DIAPH2: variants seen among roughly 807,000 people sequenced by gnomAD.
DIAPH2 encodes the protein diaphanous related formin 2, also known as protein diaphanous homolog 2.
Under a neutral mutation model 92.7 loss-of-function variants are expected in DIAPH2, and 35 were observed. That is an observed-to-expected ratio of 0.38 (90% confidence interval 0.29 to 0.50). The LOEUF is 0.50. Ranked by LOEUF, DIAPH2 falls within the 20% of genes least tolerant of loss-of-function variation. The pLI is 0.94. For missense variants in DIAPH2, 701 were observed against 819.5 expected (o/e 0.86, Z 1.77); for synonymous variants, 301 against 280.4 (o/e 1.07, Z -0.73).
chrX:96,778,160 G>T (rs976672304), intron 4 of DIAPH2, among the ~76,000 whole-genome samples: 89 of 107,644 alleles, frequency 8.3e-4, no homozygotes, highest in Non-Finnish European at 1.5e-3. Flanking sequence ...GCGATAGTTT[G>T]CTGAGAATGA....
intron 17 of DIAPH2, among the ~76,000 whole-genome samples, chrX:97,059,197 A>T (rs771791193): frequency 1.8e-5 from 2 of 112,067 alleles, no homozygotes; most frequent in African/African-American, 6.5e-5. Flanking sequence ...TATTAGGCAC[A>T]CAGAATAACA....
chrX:96,756,524 C>T (rs1324838854), intron 3 of DIAPH2, among the ~76,000 whole-genome samples: 2 of 111,779 alleles, frequency 1.8e-5, no homozygotes, highest in Admixed American at 9.5e-5. Flanking sequence ...TTTATCCATT[C>T]GTCAATTGAT....
intron 17 of DIAPH2, among the ~76,000 whole-genome samples, chrX:97,042,143 G>A (rs765015328): frequency 9.0e-6 from 1 of 111,479 alleles, no homozygotes; most frequent in South Asian, 3.7e-4. Flanking sequence ...ATGCAAACCA[G>A]TTCCATTAAT....
chrX:97,017,649 C>T (rs1466046255), intron 17 of DIAPH2, among the ~76,000 whole-genome samples: 1 of 112,211 alleles, frequency 8.9e-6, no homozygotes, highest in Non-Finnish European at 1.9e-5. Context: ...TTAGACTCCA[C>T]CTGTGATCTT....
chrX:97,417,052 G>A (rs1385374001), intron 25 of DIAPH2, among the ~76,000 whole-genome samples: 1 of 111,805 alleles, frequency 8.9e-6, no homozygotes, highest in Non-Finnish European at 1.9e-5. Flanking sequence ...ACTACAACCA[G>A]AAAGTTATGG....
intron 7 of DIAPH2, among the ~76,000 whole-genome samples, chrX:96,913,131 A>G (rs1347648869): frequency 9.0e-6 from 1 of 110,998 alleles, no homozygotes; most frequent in Non-Finnish European, 1.9e-5. Flanking sequence ...TAGGGAAGAT[A>G]GATAAAACAG....
intron 17 of DIAPH2, among the ~76,000 whole-genome samples, chrX:97,062,020 C>A (rs1216942514): frequency 9.0e-6 from 1 of 111,037 alleles, no homozygotes; most frequent in Non-Finnish European, 1.9e-5. Context: ...TTTATGCATT[C>A]TTATTCTAAC....
chrX:97,587,277 GAA>G (rs770610966), intron 26 of DIAPH2, among the ~76,000 whole-genome samples: 1 of 87,294 alleles, frequency 1.1e-5, no homozygotes, highest in Admixed American at 1.3e-4. Flanking sequence ...TGCTGTCCTA[GAA>G]AAAAAAAAAA....
chrX:96,712,454 T>A (rs1378653462), intron 1 of DIAPH2, among the ~76,000 whole-genome samples: 1 of 111,223 alleles, frequency 9.0e-6, no homozygotes, highest in Non-Finnish European at 1.9e-5. Flanking sequence ...TGCCCCACCC[T>A]TTCCTATTCC....
At chrX:97,396,203 G>A (rs2069702186) in intron 25 of DIAPH2, among the ~76,000 whole-genome samples, 1 of 111,821 alleles carries the variant, frequency 8.9e-6, no homozygotes, top group Admixed American at 9.5e-5. Flanking sequence ...ATTTTGCTCT[G>A]TTCTCAGTCA....
intron 4 of DIAPH2, among the ~76,000 whole-genome samples, chrX:96,815,301 G>A (rs755080401): frequency 8.9e-6 from 1 of 112,078 alleles, no homozygotes; most frequent in East Asian, 2.8e-4. Context: ...CTAGCAGTGA[G>A]CAAGGCTCCA....
intron 1 of DIAPH2, among the ~76,000 whole-genome samples, chrX:96,711,209 G>T (rs2063915866): frequency 8.9e-6 from 1 of 111,767 alleles, no homozygotes; most frequent in Non-Finnish European, 1.9e-5. Context: ...GGGATTGCTG[G>T]ATTAAATGGT....
At chrX:97,295,858 A>T (rs2068638990) in intron 23 of DIAPH2, among the ~76,000 whole-genome samples, 1 of 108,524 alleles carries the variant, frequency 9.2e-6, no homozygotes, top group Non-Finnish European at 1.9e-5. Context: ...CAGCCTCCTG[A>T]GTAGCTGGGA....
chrX:97,440,770 T>C (rs1423370918), intron 26 of DIAPH2, among the ~76,000 whole-genome samples: 1 of 109,406 alleles, frequency 9.1e-6, no homozygotes, highest in Non-Finnish European at 1.9e-5. Flanking sequence ...TGTGGAATAA[T>C]AGACATGGGA....
intron 26 of DIAPH2, among the ~76,000 whole-genome samples, chrX:97,596,536 A>G (rs769221875): frequency 8.9e-6 from 1 of 111,927 alleles, no homozygotes; most frequent in Admixed American, 9.5e-5. Flanking sequence ...TAGAAAAGTG[A>G]ATTGGATTCA....
At chrX:97,392,247 G>C (rs1301472256) in intron 25 of DIAPH2, among the ~76,000 whole-genome samples, 1 of 111,373 alleles carries the variant, frequency 9.0e-6, no homozygotes. Context: ...GATTAAGTGA[G>C]ATAATTAAGT....
intron 16 of DIAPH2, among the ~76,000 whole-genome samples, chrX:96,960,128 C>T (rs922422029): frequency 5.4e-5 from 6 of 111,250 alleles, no homozygotes; most frequent in African/African-American, 1.6e-4. Context: ...GATTATTTTT[C>T]CTATTTTTTG....
chrX:97,368,749 C>G (rs1175060285), intron 24 of DIAPH2, among the ~76,000 whole-genome samples: 3 of 110,930 alleles, frequency 2.7e-5, no homozygotes, highest in Non-Finnish European at 5.7e-5. Flanking sequence ...GGTATTTACA[C>G]TAAATTAATC....
intron 1 of DIAPH2, among the ~76,000 whole-genome samples, chrX:96,692,768 A>G (rs1270352172): frequency 8.9e-6 from 1 of 112,237 alleles, no homozygotes; most frequent in Non-Finnish European, 1.9e-5. Flanking sequence ...TAGTTAGGCA[A>G]AGGAAAATTA....
Sources: gnomAD v4.1 joint callset for allele counts (sites outside exome capture counted in the v4.1 genomes callset) on GRCh38, gnomAD v4.1.1 for gene constraint, MANE v1.5 for transcripts, NCBI Gene and HGNC (gene_info 2026-07-23, HGNC 2026-07-21) for gene names.